The following HFM1 variants were observed in gnomAD, a reference collection of about 807,000 sequenced individuals.
HFM1 encodes helicase for meiosis 1.
Under a neutral mutation model 192.1 loss-of-function variants are expected in HFM1, and 169 were observed. The ratio of observed to expected loss-of-function variants is 0.88; its 90% CI spans 0.78 to 1.00. The LOEUF is 1.00. Among genes scored for constraint, HFM1 ranks in the 50% least tolerant of loss-of-function variants. The probability of loss-of-function intolerance (pLI) is 0.00; values close to 1 mark genes in which losing one functional copy is unlikely to be tolerated. For missense variants in HFM1, 1,661 were observed against 1,668.0 expected, an observed-to-expected ratio of 1.00 and a Z score of 0.07; for synonymous variants, 525 against 537.8, an observed-to-expected ratio of 0.98 and a Z score of 0.33.
At chr1:91,363,553 G>T (rs968640732) in intron 13 of HFM1, among the ~76,000 whole-genome samples, 12 of 151,676 alleles carry the variant, frequency 7.9e-5, no homozygotes, top group Admixed American at 5.2e-4. Flanking sequence ...TGCTGGCGAG[G>T]TTGCAGAGAA....
intron 30 of HFM1, among the ~76,000 whole-genome samples, chr1:91,310,230 T>A (rs399362): frequency 1 from 152,068 of 152,250 alleles, 75,943 homozygotes; most frequent in Non-Finnish European, 1. Flanking sequence ...TAGAGATATA[T>A]TGAAACATTT....
At chr1:91,300,413 A>G (rs1263381548) in intron 30 of HFM1, among the ~76,000 whole-genome samples, 1 of 152,240 alleles carries the variant, frequency 6.6e-6, no homozygotes, top group Non-Finnish European at 1.5e-5. Context: ...AAAAAGAGGG[A>G]ATCCTCCCTA....
At chr1:91,275,720 C>A (rs1457509368) in intron 32 of HFM1, among the ~76,000 whole-genome samples, 1 of 152,244 alleles carries the variant, frequency 6.6e-6, no homozygotes, top group Non-Finnish European at 1.5e-5. Flanking sequence ...CAGTCACTTC[C>A]CTCCATTGCT....
intron 20 of HFM1, among the ~76,000 whole-genome samples, chr1:91,331,850 C>T (rs192238547): frequency 1.6e-3 from 244 of 152,164 alleles, no homozygotes; most frequent in African/African-American, 5.6e-3. Flanking sequence ...GAGCCAAGAT[C>T]GCACCACTGC....
At chr1:91,342,250 G>C (rs1655465311) in intron 20 of HFM1, among the ~76,000 whole-genome samples, 1 of 151,460 alleles carries the variant, frequency 6.6e-6, no homozygotes, top group Admixed American at 6.6e-5. Flanking sequence ...TCCACCGTGA[G>C]AGAGAGAGAA....
At chr1:91,348,487 A>C (rs1001787317) in intron 18 of HFM1, among the ~76,000 whole-genome samples, 4 of 152,232 alleles carry the variant, frequency 2.6e-5, no homozygotes, top group African/African-American at 9.6e-5. Flanking sequence ...GGATAGATTC[A>C]TACATGTAAA....
chr1:91,328,053 T>C (rs1393148481), intron 20 of HFM1, among the ~76,000 whole-genome samples: 1 of 152,092 alleles, frequency 6.6e-6, no homozygotes, highest in Non-Finnish European at 1.5e-5. Context: ...TGATGCATCT[T>C]AAAGAACTAG....
upstream of HFM1, among the ~76,000 whole-genome samples, chr1:91,407,471 A>G (rs1664850422): frequency 6.6e-6 from 1 of 152,102 alleles, no homozygotes; most frequent in African/African-American, 2.4e-5. Context: ...TATCCTAAGT[A>G]CTTCATATAA....
intron 9 of HFM1, among the ~76,000 whole-genome samples, chr1:91,378,829 C>T (rs11590997): frequency 0.11 from 17,151 of 151,984 alleles, 1,353 homozygotes; most frequent in Non-Finnish European, 0.18. Context: ...AAAGTATCCA[C>T]AATAACAAAC....
chr1:91,313,088 T>C (rs909105074), intron 30 of HFM1, among the ~76,000 whole-genome samples: 2 of 152,182 alleles, frequency 1.3e-5, no homozygotes, highest in Non-Finnish European at 2.9e-5. Flanking sequence ...GTCTCAGGTA[T>C]GTCTTTATCA....
intron 4 of HFM1, among the ~76,000 whole-genome samples, chr1:91,386,292 G>T (rs1382244239): frequency 1.3e-5 from 2 of 152,176 alleles, no homozygotes; most frequent in Non-Finnish European, 2.9e-5. Context: ...CCTATGAAGA[G>T]GCCCAGGTGG....
At chr1:91,311,935 AG>A (rs901711285) in intron 30 of HFM1, among the ~76,000 whole-genome samples, 7 of 152,140 alleles carry the variant, frequency 4.6e-5, no homozygotes, top group Non-Finnish European at 1.0e-4. Flanking sequence ...CATGGCTGAA[AG>A]GGGTCAACAT....
At chr1:91,393,525 A>C (rs775922606) in intron 4 of HFM1, among the ~76,000 whole-genome samples, 2 of 152,172 alleles carry the variant, frequency 1.3e-5, no homozygotes, top group Non-Finnish European at 1.5e-5. Context: ...AAAACCTAGG[A>C]GTCAGATCTC....
At position 91,317,189 on chromosome 1, in the gene HFM1, C is replaced by T. The variant is rs180775136; in HGVS notation, c.2813-713G>A. On this transcript the variant is annotated intron_variant, in intron 25 of 38. Transcript: ENST00000370425. ...CAGCACTTTAGGAGGCCAAGGCGGG[C>T]GGATCACCTGAGGTCGGGAGTTCGA... Among the ~76,000 whole-genome samples the T allele has an allele frequency of 3.4e-3, 516 of 152,042 alleles. 3 individuals carry two copies. Among genetic ancestry groups the T allele is most frequent in the African/African-American group, 0.012 (479 of 41,472 alleles).
chr1:91,387,928 A>G (rs1464459734), intron 4 of HFM1, among the ~76,000 whole-genome samples: 5 of 130,840 alleles, frequency 3.8e-5, no homozygotes, highest in African/African-American at 1.4e-4. Flanking sequence ...AAAAAAAAAA[A>G]ATTAAAAAAA....
intron 30 of HFM1, among the ~76,000 whole-genome samples, chr1:91,290,805 A>C (rs1347704857): frequency 2.0e-5 from 3 of 152,014 alleles, no homozygotes; most frequent in Non-Finnish European, 4.4e-5. Flanking sequence ...TTGGAAGTAA[A>C]GCTCTCCTCA....
chr1:91,313,320 A>G (rs1293778730), intron 30 of HFM1, 29 bp downstream of exon 30: 1 of 1,386,118 alleles, frequency 7.2e-7, no homozygotes, highest in Non-Finnish European at 1.0e-6. Flanking sequence ...TTGCTTTAAT[A>G]TAAAATAGGA....
At chr1:91,363,385 A>G (rs1303985845) in intron 13 of HFM1, among the ~76,000 whole-genome samples, 1 of 48,114 alleles carries the variant, frequency 2.1e-5, no homozygotes, top group Admixed American at 2.7e-4. Flanking sequence ...ACATGAACAG[A>G]CACTTTTCAA....
chr1:91,387,771 T>G (rs372353996), intron 4 of HFM1, among the ~76,000 whole-genome samples: 1 of 81,092 alleles, frequency 1.2e-5, no homozygotes, highest in African/African-American at 4.9e-5. Context: ...TGTGGTGGGG[T>G]CGGGGGAGGG....
Sources: gnomAD v4.1 joint callset for allele counts (sites outside exome capture counted in the v4.1 genomes callset) on GRCh38, gnomAD v4.1.1 for gene constraint, MANE v1.5 for transcripts, NCBI Gene and HGNC (gene_info 2026-07-23, HGNC 2026-07-21) for gene names.